FER: variants seen among roughly 807,000 people sequenced by gnomAD.
The protein encoded by FER is tyrosine-protein kinase Fer.
In FER, 63 loss-of-function variants were observed where a neutral mutation model predicts 111.0. The ratio of observed to expected loss-of-function variants is 0.57; its 90% CI spans 0.46 to 0.70. The LOEUF (loss-of-function observed/expected upper bound fraction) is 0.70, where lower values mean the gene tolerates loss of function less well. Among genes scored for constraint, FER ranks in the 30% least tolerant of loss-of-function variants. The pLI, the probability that FER is intolerant of heterozygous loss-of-function variation, is 0.00. For missense variants in FER, 914 were observed against 954.0 expected, an observed-to-expected ratio of 0.96 and a Z score of 0.55; for synonymous variants, 327 against 313.9, an observed-to-expected ratio of 1.04 and a Z score of -0.44.
At chr5:108,802,064 C>A (rs901591700) in intron 3 of FER, among the ~76,000 whole-genome samples, 2 of 151,972 alleles carry the variant, frequency 1.3e-5, no homozygotes, top group Non-Finnish European at 2.9e-5. Context: ...TTGTTTATTT[C>A]TGGAATTTTC....
At chr5:109,072,119 G>T (rs148535582) in intron 16 of FER, among the ~76,000 whole-genome samples, 1 of 150,760 alleles carries the variant, frequency 6.6e-6, no homozygotes, top group Admixed American at 6.6e-5. Context: ...TAAATAATTT[G>T]GATATAACTA....
intron 13 of FER, among the ~76,000 whole-genome samples, chr5:109,011,144 T>C (rs1217633062): frequency 6.6e-6 from 1 of 151,920 alleles, no homozygotes; most frequent in Non-Finnish European, 1.5e-5. Flanking sequence ...AGGTATTGTT[T>C]TTATCTGTTT....
rs537136196 is a variant in FER, at chr5:109,029,361, A to G, written c.1657-8061A>G. ...TGCTGCACCCACTAACTCGTCATCT[A>G]GCATTAGGTATATCTCCCAAGGCTT... is the stretch of plus-strand genomic sequence containing the variant. On this transcript the variant is annotated intron_variant, in intron 13 of 19. Coordinates refer to ENST00000281092, the MANE Select transcript of FER (RefSeq NM_005246.4). Among the ~76,000 whole-genome samples, 8 of 145,742 alleles carry G rather than the reference A, an allele frequency of 5.5e-5. No individual in the cohort carries two copies. In the East Asian group the frequency reaches 6.0e-4, roughly 11 times the overall value.
chr5:109,004,124 T>C (rs1402506860), intron 13 of FER, among the ~76,000 whole-genome samples: 1 of 152,222 alleles, frequency 6.6e-6, no homozygotes, highest in Admixed American at 6.5e-5. Context: ...TGTAAATCCC[T>C]ACAACTTTTC....
intron 13 of FER, among the ~76,000 whole-genome samples, chr5:109,022,179 C>T (rs1037191565): frequency 6.6e-6 from 1 of 152,008 alleles, no homozygotes; most frequent in African/African-American, 2.4e-5. Context: ...TTTCCTGTTC[C>T]AGCAACCCTG....
rs1343060431 is a variant in FER at position 109,193,635 on chromosome 5, G to T, written c.*6060G>T. 1 of 152,136 alleles carries T rather than the reference G, an allele frequency of 6.6e-6. No homozygotes were observed. The highest frequency in any genetic ancestry group is 2.4e-5 in the African/African-American group (1 of 41,430). The allele number at this position is 152,136 out of a possible 1,614,324, so 9.4% of individuals were successfully genotyped here. On this transcript the variant is annotated 3_prime_UTR_variant, in exon 20 of 20. Coordinates refer to ENST00000281092, the MANE Select transcript of FER (RefSeq NM_005246.4). The stretch of plus-strand genomic sequence containing the variant: ...TTCAGAAAGTTTTTCTTGAACATCT[G>T]CCACATGAGGTGCAGAGAATACTAC...
intron 5 of FER, among the ~76,000 whole-genome samples, chr5:108,863,806 A>G (rs1561530467): frequency 6.6e-6 from 1 of 152,244 alleles, no homozygotes; most frequent in African/African-American, 2.4e-5. Flanking sequence ...ACATTTATAT[A>G]AACACATATT....
At chr5:109,027,434 A>G (rs1768913933) in intron 13 of FER, among the ~76,000 whole-genome samples, 1 of 152,222 alleles carries the variant, frequency 6.6e-6, no homozygotes, top group East Asian at 1.9e-4. Context: ...ATATATAGGA[A>G]TAGAATAAGG....
chr5:108,980,413 A>G (rs932248713), intron 13 of FER, among the ~76,000 whole-genome samples: 3 of 152,148 alleles, frequency 2.0e-5, no homozygotes, highest in African/African-American at 4.8e-5. Context: ...CATAAATTGA[A>G]TATTCAGTAT....
chr5:108,965,310 G>A (rs984198902), intron 13 of FER, among the ~76,000 whole-genome samples: 1 of 152,076 alleles, frequency 6.6e-6, no homozygotes, highest in African/African-American at 2.4e-5. Context: ...TTCATCTGTG[G>A]CCTACAATAA....
chr5:108,849,196 A>G (rs1017458009), intron 5 of FER, among the ~76,000 whole-genome samples: 12 of 151,988 alleles, frequency 7.9e-5, no homozygotes, highest in Non-Finnish European at 1.3e-4. Flanking sequence ...GTTTTCATCA[A>G]ATTTGGAAAA....
rs1447348987 is a variant in FER at position 109,189,137 on chromosome 5, A to G, written c.*1562A>G. The G allele has an allele frequency of 3.3e-5, 5 of 152,098 alleles. No homozygotes were observed. The highest frequency in any genetic ancestry group is 1.2e-4 in the African/African-American group (5 of 41,402). 9.4% of individuals were successfully genotyped at this position (152,098 alleles called of 1,614,324 possible). A position where few individuals can be genotyped will look rare whatever the true frequency, so the allele number is the denominator to read the frequency against. On this transcript the variant is annotated 3_prime_UTR_variant, in exon 20 of 20. Coordinates refer to ENST00000281092, the MANE Select transcript of FER (RefSeq NM_005246.4). ...CATGTGAATAAAATGTAACTCACTCACTCAGTTAAAACTAGGATTCTGTAT... is the reference window on the plus strand; with the variant it reads ...CATGTGAATAAAATGTAACTCACTCGCTCAGTTAAAACTAGGATTCTGTAT...
chr5:109,053,659 A>G (rs1190867911), intron 16 of FER, among the ~76,000 whole-genome samples: 3 of 150,462 alleles, frequency 2.0e-5, no homozygotes, highest in African/African-American at 7.3e-5. Flanking sequence ...GTGTATCAAT[A>G]GGTTATTCTT....
At chr5:108,772,149 T>C (rs1464626407) in intron 2 of FER, among the ~76,000 whole-genome samples, 2 of 152,034 alleles carry the variant, frequency 1.3e-5, no homozygotes, top group African/African-American at 4.8e-5. Flanking sequence ...ATTCTGTCTA[T>C]GAGTGCAGAT....
intron 17 of FER, 94 bp from the exon 18 acceptor site, chr5:109,180,653 G>A: frequency 7.4e-7 from 1 of 1,342,436 alleles, no homozygotes; most frequent in Admixed American, 2.3e-5. Context: ...TAAATACATT[G>A]CAAATGTAAA....
At chr5:109,090,781 T>C (rs183634596) in intron 16 of FER, among the ~76,000 whole-genome samples, 40 of 152,218 alleles carry the variant, frequency 2.6e-4, no homozygotes, top group Admixed American at 7.9e-4. Flanking sequence ...CATTTGAAAT[T>C]ACAAAATCCA....
At chr5:109,104,136 C>T (rs1014641351) in intron 17 of FER, among the ~76,000 whole-genome samples, 1 of 152,190 alleles carries the variant, frequency 6.6e-6, no homozygotes, top group Non-Finnish European at 1.5e-5. Context: ...TGATTCTCTT[C>T]ATGTTTGGTT....
At chr5:109,024,441 T>G (rs954379133) in intron 13 of FER, among the ~76,000 whole-genome samples, 1 of 151,928 alleles carries the variant, frequency 6.6e-6, no homozygotes, top group Middle Eastern at 3.2e-3. Context: ...TGGAGAGAGG[T>G]CCTTGGGAGC....
At chr5:108,864,438 C>G (rs1011733983) in intron 5 of FER, among the ~76,000 whole-genome samples, 4 of 152,140 alleles carry the variant, frequency 2.6e-5, no homozygotes, top group Non-Finnish European at 4.4e-5. Flanking sequence ...TTTCTCTGCT[C>G]TTTGCTCTGG....
Sources: gnomAD v4.1 joint callset for allele counts (sites outside exome capture counted in the v4.1 genomes callset) on GRCh38, gnomAD v4.1.1 for gene constraint, MANE v1.5 for transcripts, NCBI Gene and HGNC (gene_info 2026-07-23, HGNC 2026-07-21) for gene names.